The following SMARCA2 variants were observed in gnomAD, a reference collection of about 807,000 sequenced individuals.
The protein encoded by SMARCA2 is SWI/SNF-related matrix-associated actin-dependent regulator of chromatin subfamily A member 2.
In SMARCA2, 61 loss-of-function variants were observed where a neutral mutation model predicts 199.8. The observed-to-expected ratio is 0.31, with a 90% CI of 0.25 to 0.38. SMARCA2 has a LOEUF of 0.38. Among genes scored for constraint, SMARCA2 ranks in the 10% least tolerant of loss-of-function variants. SMARCA2 has a pLI of 1.00. For synonymous variants in SMARCA2, 935 were observed against 732.0 expected, an observed-to-expected ratio of 1.28 and a Z score of -4.48; for missense variants, 1,344 against 2,012.2, an observed-to-expected ratio of 0.67 and a Z score of 6.35.
chr9:2,157,121 A>T (rs1306083758), intron 27 of SMARCA2, among the ~76,000 whole-genome samples: 1 of 152,210 alleles, frequency 6.6e-6, no homozygotes, highest in Non-Finnish European at 1.5e-5. Context: ...ATCTTTGAGG[A>T]CGAGCTCTAT....
intron 2 of SMARCA2, 74 bp from the exon 3 acceptor site, chr9:2,032,878 A>G (rs771977439): frequency 5.5e-5 from 76 of 1,376,872 alleles, no homozygotes; most frequent in Non-Finnish European, 6.9e-5. Context: ...GAACTTAGGA[A>G]GGGGTCTGAA....
intron 27 of SMARCA2, among the ~76,000 whole-genome samples, chr9:2,156,900 T>C (rs189739927): frequency 4.6e-5 from 7 of 152,346 alleles, no homozygotes; most frequent in Admixed American, 1.3e-4. Flanking sequence ...TGGTAACCAC[T>C]GTTCTCTTTT....
intron 1 of SMARCA2, among the ~76,000 whole-genome samples, 152 bp from the exon 2 acceptor site, chr9:2,028,835 A>G (rs535679831): frequency 6.6e-6 from 1 of 152,314 alleles, no homozygotes; most frequent in East Asian, 1.9e-4. Context: ...AGACGGATGT[A>G]TATCACACTC....
At position 2,115,627 on chromosome 9, in the gene SMARCA2, A is replaced by T. The variant is rs765484534; in HGVS notation, c.3457-195A>T. 3.3e-5 allele frequency among the ~76,000 whole-genome samples: 5 copies of T among 152,180 alleles called. No homozygotes were observed. Among genetic ancestry groups the T allele is most frequent in the African/African-American group, 4.8e-5 (2 of 41,440 alleles). ...ATTTCAGTTGGCTTGGTTAATTTCAACCCAGGTTTCTTCAACTAGGAATGA... is the reference window on the plus strand; with the variant it reads ...ATTTCAGTTGGCTTGGTTAATTTCATCCCAGGTTTCTTCAACTAGGAATGA... On this transcript the variant is annotated intron_variant, in intron 24 of 33. Transcript: ENST00000349721. This position sits in a 1 kb window ranked among gnomAD's most constrained non-coding sequence, Gnocchi z 6.0.
At position 2,083,322 on chromosome 9, in the gene SMARCA2, G is replaced by A. The variant is rs368524797; in HGVS notation, c.2349-25G>A. The A allele has an allele frequency of 5.6e-6, 8 of 1,432,084 alleles. No individual in the cohort carries two copies. The African/African-American group carries it at 5.9e-5, about 11-fold the overall frequency. The allele number at this position is 1,432,084 out of a possible 1,614,324, so 88.7% of individuals were successfully genotyped here. A position where few individuals can be genotyped will look rare whatever the true frequency, so the allele number is the denominator to read the frequency against. ...ATTTTTATACAAATGTCTTTTTTCT[G>A]TTGTTTTTTTTTTTTGTTCCATAGG... On this transcript the variant is annotated intron_variant, in intron 15 of 33. Transcript: ENST00000349721.
At chr9:2,067,160 G>A (rs1487366866) in intron 9 of SMARCA2, among the ~76,000 whole-genome samples, 1 of 152,204 alleles carries the variant, frequency 6.6e-6, no homozygotes, top group African/African-American at 2.4e-5. Flanking sequence ...GTCACACAGA[G>A]CACCAATTCA....
At chr9:2,037,920 C>A (rs1218394183) in intron 3 of SMARCA2, among the ~76,000 whole-genome samples, 2 of 152,168 alleles carry the variant, frequency 1.3e-5, no homozygotes, top group African/African-American at 4.8e-5. Flanking sequence ...ATATGTCTTT[C>A]TAGGAATTCT....
intron 9 of SMARCA2, among the ~76,000 whole-genome samples, chr9:2,064,981 G>A (rs891624553): frequency 2.6e-5 from 4 of 152,150 alleles, no homozygotes; most frequent in African/African-American, 7.2e-5. Context: ...TCAGGAGATC[G>A]AGACCATCCT....
At chr9:2,081,782 A>G (rs1199504557) in intron 14 of SMARCA2, 50 bp from the exon 15 acceptor site, 6 of 1,560,530 alleles carry the variant, frequency 3.8e-6, no homozygotes, top group Non-Finnish European at 5.3e-6. Context: ...TATTAGGATT[A>G]ATTACCTGTG....
Position 2,169,556 on chromosome 9 carries a change from AACACCCCGACCCC to A in SMARCA2, c.4200-858_4200-846del, listed in dbSNP as rs1826127133. On this transcript the variant is annotated intron_variant, in intron 28 of 33. Coordinates refer to ENST00000349721, the MANE Select transcript of SMARCA2 (RefSeq NM_003070.5). This position sits in a 1 kb window ranked among gnomAD's most constrained non-coding sequence, Gnocchi z 6.5. ...TGGGTTTATGCTTTTCCCTCTCTGCAACACCCCGACCCCACACTGACTCTAGAGCAGAATGGGG... is the reference window on the plus strand; with the variant it reads ...TGGGTTTATGCTTTTCCCTCTCTGCAACACTGACTCTAGAGCAGAATGGGG... Among the ~76,000 whole-genome samples the A allele has an allele frequency of 6.6e-6, 1 of 152,092 alleles. No homozygotes were observed.
chr9:2,132,743 A>G (rs916730964), intron 27 of SMARCA2, among the ~76,000 whole-genome samples: 1 of 152,236 alleles, frequency 6.6e-6, no homozygotes, highest in Admixed American at 6.5e-5. Flanking sequence ...AAGTCCTTCA[A>G]TACTTTAGGG....
Position 2,115,243 on chromosome 9 carries a change from C to T in SMARCA2, c.3457-579C>T, listed in dbSNP as rs915387077. On this transcript the variant is annotated intron_variant, in intron 24 of 33. Coordinates refer to ENST00000349721, the MANE Select transcript of SMARCA2 (RefSeq NM_003070.5). This position sits in a 1 kb window ranked among gnomAD's most constrained non-coding sequence, Gnocchi z 6.0. ...TCCCCAAAAGTTTACCAGTTGACTA[C>T]CCAACTAGCAATCCTTTTGATTTCC... is the stretch of plus-strand genomic sequence containing the variant. Among the ~76,000 whole-genome samples, 1 of 152,122 alleles carries T rather than the reference C, an allele frequency of 6.6e-6. No individual in the cohort carries two copies. The highest frequency in any genetic ancestry group is 2.4e-5 in the African/African-American group (1 of 41,430).
At position 2,167,094 on chromosome 9, in the gene SMARCA2, T is replaced by A. The variant is rs569014303; in HGVS notation, c.4200-3325T>A. On this transcript the variant is annotated intron_variant, in intron 28 of 33. Transcript: ENST00000349721. ...TCTTTCTCATATTGAAATTGGGACA[T>A]TTGCTTATCTCTAGTGTTCTGATTC... is the stretch of plus-strand genomic sequence containing the variant. Among the ~76,000 whole-genome samples the A allele has an allele frequency of 1.2e-4, 19 of 152,366 alleles. 1 individual carries two copies. The South Asian group carries it at 3.9e-3, about 32-fold the overall frequency.
intron 27 of SMARCA2, among the ~76,000 whole-genome samples, chr9:2,127,613 C>T (rs1320955251): frequency 1.3e-5 from 2 of 152,134 alleles, no homozygotes; most frequent in Non-Finnish European, 2.9e-5. Context: ...GTCTAATGGG[C>T]CCTGCCTAAA....
intron 5 of SMARCA2, 144 bp downstream of exon 5, chr9:2,047,628 G>C: frequency 1.9e-6 from 2 of 1,035,362 alleles, no homozygotes; most frequent in Non-Finnish European, 2.5e-6. Context: ...CACTCCTGGG[G>C]CCTTCCCGGT....
In SMARCA2 at chr9:2,056,449, G is replaced by A. The variant is rs1445560002; in HGVS notation, c.1174-223G>A. ...CTGTTACAGTACTATAATTGCTTTT[G>A]ATTTGAATTATTTGGGGAGAAAAAT... On this transcript the variant is annotated intron_variant, in intron 6 of 33. Transcript: ENST00000349721. This position sits in a 1 kb window ranked among gnomAD's most constrained non-coding sequence, Gnocchi z 4.0. Among the ~76,000 whole-genome samples the A allele has an allele frequency of 2.0e-5, 3 of 152,170 alleles. No homozygotes were observed. Among genetic ancestry groups the A allele is most frequent in the Non-Finnish European group, 4.4e-5 (3 of 68,016 alleles).
At chr9:2,024,056 G>GA (rs147362349) in intron 1 of SMARCA2, among the ~76,000 whole-genome samples, 2,187 of 152,156 alleles carry the variant, frequency 0.014, 65 homozygotes, top group African/African-American at 0.05. Flanking sequence ...AGTGAGCTGT[G>GA]AAAAAAGACA....
At chr9:2,146,519 AG>A (rs1475062398) in intron 27 of SMARCA2, among the ~76,000 whole-genome samples, 1 of 152,162 alleles carries the variant, frequency 6.6e-6, no homozygotes, top group Non-Finnish European at 1.5e-5. Flanking sequence ...GTTGCTGAAA[AG>A]GGGTCCGGAT....
intron 12 of SMARCA2, among the ~76,000 whole-genome samples, chr9:2,074,178 T>G (rs1821218738): frequency 6.6e-6 from 1 of 152,194 alleles, no homozygotes; most frequent in Non-Finnish European, 1.5e-5. Context: ...GCTCAGTCTC[T>G]TGGAAGGAAT....
Sources: gnomAD v4.1 joint callset for allele counts (sites outside exome capture counted in the v4.1 genomes callset) on GRCh38, gnomAD v4.1.1 for gene constraint, Gnocchi (gnomAD v3.1) non-coding constraint, MANE v1.5 for transcripts, NCBI Gene and HGNC (gene_info 2026-07-23, HGNC 2026-07-21) for gene names.